The following XKR4 variants were observed in gnomAD, a reference collection of about 807,000 sequenced individuals.
XKR4 encodes XK related 4, also known as XK-related protein 4.
A neutral mutation model predicts 53.9 loss-of-function variants in XKR4; 12 were observed. The observed-to-expected ratio is 0.22, with a 90% CI of 0.14 to 0.36. The LOEUF is 0.36. XKR4 is among the 10% of genes least tolerant of loss of function. The pLI is 1.00. For missense variants in XKR4, 799 were observed against 859.5 expected (o/e 0.93, Z 0.88); for synonymous variants, 354 against 362.4 (o/e 0.98, Z 0.26).
chr8:55,409,955 C>T (rs1804750588), intron 2 of XKR4, among the ~76,000 whole-genome samples: 1 of 152,086 alleles, frequency 6.6e-6, no homozygotes, highest in Non-Finnish European at 1.5e-5. Context: ...TTGACTGCTC[C>T]CAGCTACACA....
chr8:55,244,392 T>G (rs1462954747), intron 1 of XKR4, among the ~76,000 whole-genome samples: 2 of 152,220 alleles, frequency 1.3e-5, no homozygotes, highest in Admixed American at 1.3e-4. Context: ...GCATAGGACA[T>G]GATCACATTC....
At chr8:55,390,276 G>A (rs1389764232) in intron 2 of XKR4, among the ~76,000 whole-genome samples, 6 of 152,162 alleles carry the variant, frequency 3.9e-5, no homozygotes, top group Admixed American at 1.3e-4. Context: ...TAGGTTAATG[G>A]TATCATTTGC....
At chr8:55,266,553 TG>T (rs1205082815) in intron 1 of XKR4, among the ~76,000 whole-genome samples, 1 of 152,010 alleles carries the variant, frequency 6.6e-6, no homozygotes, top group Admixed American at 6.6e-5. Flanking sequence ...AATATACTCG[TG>T]GAAAAGTTGA....
intron 2 of XKR4, chr8:55,452,588 C>T (rs1805471004): frequency 1.1e-6 from 1 of 946,440 alleles, no homozygotes; most frequent in Admixed American, 1.7e-5. Context: ...GCTGCACCGC[C>T]TCCAGGGTCT....
intron 1 of XKR4, among the ~76,000 whole-genome samples, chr8:55,133,184 A>G (rs1816582330): frequency 6.6e-6 from 1 of 152,250 alleles, no homozygotes; most frequent in African/African-American, 2.4e-5. Flanking sequence ...AAACAGCCAC[A>G]AACTTATGGA....
rs565154685 is a variant in XKR4, at chr8:55,230,078, AT to A, written c.806+126788del. ...TTTTCTAAGCACACTTCCTGACTCCATTTTCTTCCCACTGAAGTTGATACTA... is the reference window on the plus strand; with the variant it reads ...TTTTCTAAGCACACTTCCTGACTCCATTTCTTCCCACTGAAGTTGATACTA... On this transcript the variant is annotated intron_variant, in intron 1 of 2. Coordinates refer to ENST00000327381, the MANE Select transcript of XKR4 (RefSeq NM_052898.2). Among the ~76,000 whole-genome samples, 1,063 of 151,732 alleles carry A rather than the reference AT, an allele frequency of 7.0e-3. 8 individuals are homozygous for A. The highest frequency in any genetic ancestry group is 0.011 in the Non-Finnish European group (778 of 67,966).
chr8:55,342,769 G>A (rs1157820097), intron 1 of XKR4, among the ~76,000 whole-genome samples: 3 of 152,172 alleles, frequency 2.0e-5, no homozygotes, highest in African/African-American at 7.2e-5. Flanking sequence ...GAACTTGCAA[G>A]CCCCGTGAAA....
intron 2 of XKR4, among the ~76,000 whole-genome samples, chr8:55,460,936 G>A (rs1363073007): frequency 6.6e-6 from 1 of 152,250 alleles, no homozygotes; most frequent in African/African-American, 2.4e-5. Flanking sequence ...CTGGGGGAGG[G>A]GCACCCGCCA....
chr8:55,300,444 A>G (rs566809061), intron 1 of XKR4, among the ~76,000 whole-genome samples: 35 of 152,184 alleles, frequency 2.3e-4, no homozygotes, highest in Non-Finnish European at 3.7e-4. Context: ...GGTGACAGAC[A>G]GGAGCTGAGG....
At chr8:55,490,692 G>T (rs1027299831) in intron 2 of XKR4, among the ~76,000 whole-genome samples, 7 of 152,096 alleles carry the variant, frequency 4.6e-5, no homozygotes, top group Non-Finnish European at 1.0e-4. Flanking sequence ...TTGTTCCTGT[G>T]TACGTGACAT....
chr8:55,464,450 T>A (rs768645897), intron 2 of XKR4, among the ~76,000 whole-genome samples: 26 of 152,106 alleles, frequency 1.7e-4, no homozygotes, highest in Non-Finnish European at 2.9e-4. Flanking sequence ...AAACTCTCAA[T>A]AAATTATGTA....
intron 2 of XKR4, among the ~76,000 whole-genome samples, chr8:55,436,110 T>C (rs770482806): frequency 2.0e-5 from 3 of 152,206 alleles, no homozygotes; most frequent in Non-Finnish European, 1.5e-5. Flanking sequence ...TCAATGTTAA[T>C]CTTTAATGTA....
intron 2 of XKR4, among the ~76,000 whole-genome samples, chr8:55,434,264 G>A (rs768693386): frequency 1.3e-5 from 2 of 152,102 alleles, no homozygotes; most frequent in Admixed American, 6.5e-5. Flanking sequence ...AATTAGCTAC[G>A]AAGGGAGTCT....
At chr8:55,477,592 A>T (rs1209804240) in intron 2 of XKR4, among the ~76,000 whole-genome samples, 1 of 152,186 alleles carries the variant, frequency 6.6e-6, no homozygotes, top group East Asian at 1.9e-4. Context: ...AAGGCTTCAG[A>T]TGATCAAACT....
chr8:55,467,386 C>T (rs1166629650), intron 2 of XKR4, among the ~76,000 whole-genome samples: 2 of 152,086 alleles, frequency 1.3e-5, no homozygotes, highest in Non-Finnish European at 1.5e-5. Context: ...AATCTCTTAA[C>T]CTTTGCCATA....
intron 2 of XKR4, among the ~76,000 whole-genome samples, chr8:55,495,044 A>C (rs1221185438): frequency 6.6e-6 from 1 of 152,138 alleles, no homozygotes; most frequent in African/African-American, 2.4e-5. Context: ...GCTGTCCTCA[A>C]TACCTGCTTG....
At chr8:55,123,207 T>C (rs1361349675) in intron 1 of XKR4, among the ~76,000 whole-genome samples, 1 of 152,218 alleles carries the variant, frequency 6.6e-6, no homozygotes, top group East Asian at 1.9e-4. Flanking sequence ...TGGTATATGG[T>C]CCATGTCATT....
At chr8:55,397,541 G>A (rs533682405) in intron 2 of XKR4, among the ~76,000 whole-genome samples, 97 of 152,060 alleles carry the variant, frequency 6.4e-4, no homozygotes, top group African/African-American at 2.3e-3. Flanking sequence ...TTAGTGGGCT[G>A]TGACCTTGCC....
At chr8:55,390,456 A>G (rs749982778) in intron 2 of XKR4, among the ~76,000 whole-genome samples, 2 of 152,316 alleles carry the variant, frequency 1.3e-5, no homozygotes, top group Non-Finnish European at 1.5e-5. Flanking sequence ...AACATACATC[A>G]TAGTTTACAT....
Sources: allele counts gnomAD v4.1 joint callset (sites outside exome capture counted in the v4.1 genomes callset), GRCh38; gene constraint gnomAD v4.1.1; transcripts MANE v1.5; gene names NCBI Gene and HGNC (gene_info 2026-07-23, HGNC 2026-07-21).